Variants in SRL observed in about 807,000 individuals in gnomAD.
SRL encodes the protein sarcalumenin.
Under a neutral mutation model 39.5 loss-of-function variants are expected in SRL, and 23 were observed. The ratio of observed to expected loss-of-function variants is 0.58; its 90% CI spans 0.42 to 0.82. The LOEUF is 0.82. Among genes scored for constraint, SRL ranks in the 40% least tolerant of loss-of-function variants. The pLI, the probability that SRL is intolerant of heterozygous loss-of-function variation, is 0.00. For synonymous variants in SRL, 272 were observed against 237.4 expected (o/e 1.15, Z -1.34); for missense variants, 592 against 607.8 (o/e 0.97, Z 0.27).
At position 4,190,968 on chromosome 16, in the gene SRL, G is replaced by T. The variant is rs13329806; in HGVS notation, c.*1185C>A. 0.02 allele frequency: 3,054 copies of T among 153,500 alleles called. 102 individuals carry two copies. The highest frequency in any genetic ancestry group is 0.067 in the African/African-American group (2,796 of 41,590). The allele number at this position is 153,500 out of a possible 1,614,324, so 9.5% of individuals were successfully genotyped here. On this transcript the variant is annotated 3_prime_UTR_variant, in exon 6 of 6. Transcript: ENST00000399609. ...GAGACTGGCGGCCTAAGGAAAAGGAGCAAGGTCTCCACTGTCCTCTCTGAA... is the reference window on the plus strand; with the variant it reads ...GAGACTGGCGGCCTAAGGAAAAGGATCAAGGTCTCCACTGTCCTCTCTGAA...
chr16:4,191,614 A>G lies in SRL; in HGVS notation c.*539T>C, dbSNP rs1293153043. 1 of 153,024 alleles carries G rather than the reference A, an allele frequency of 6.5e-6. No homozygotes were observed. The highest frequency in any genetic ancestry group is 1.9e-4 in the East Asian group (1 of 5,200). 9.5% of individuals were successfully genotyped at this position (153,024 alleles called of 1,614,324 possible). ...CGACAGAGCGAGACTCCGTCTCAAA[A>G]ACACAAAAACAAACCCAGGTATATT... On this transcript the variant is annotated 3_prime_UTR_variant, in exon 6 of 6. Coordinates refer to ENST00000399609, the MANE Select transcript of SRL (RefSeq NM_001098814.2).
Position 4,204,543 on chromosome 16 carries a change from A to G in SRL, c.153T>C (p.Asp51=), listed in dbSNP as rs2052291166. 1.3e-6 allele frequency: 2 copies of G among 1,574,630 alleles called. No homozygotes were observed. Among genetic ancestry groups the G allele is most frequent in the Non-Finnish European group, 1.7e-6 (2 of 1,158,654 alleles). Residue 51 remains aspartate (D), a synonymous_variant, in exon 2 of 6, where the codon GAT becomes GAC. Coordinates refer to ENST00000399609, the MANE Select transcript of SRL (RefSeq NM_001098814.2). ...CCCTCCCCTGGTTACCAGAGTAGTC[A>G]TCGGATGGCTTGTCCTCATTCAGCA... The part of the protein sequence containing the change: ...TLMLNEDKPS[D]DYSAVLQRLR...
intron 1 of SRL, among the ~76,000 whole-genome samples, chr16:4,206,455 C>T (rs1321681701): frequency 1.3e-5 from 2 of 152,146 alleles, no homozygotes; most frequent in African/African-American, 2.4e-5. Context: ...GAGGCACTGG[C>T]ATGGGCTACG....
Position 4,242,046 on chromosome 16 carries a change from C to A in SRL, c.22G>T (p.Gly8Cys). 1 of 1,612,896 alleles carries A rather than the reference C, an allele frequency of 6.2e-7. No individual in the cohort carries two copies. The highest frequency in any genetic ancestry group is 8.5e-7 in the Non-Finnish European group (1 of 1,179,790). ...AACAGGAGCGAGGCCAGGAGGCAGC[C>A]GAGCAGGACCAGCGCCCTCATGGTG... MRALVLL[G>C]CLLASLLFSG... Residue 8 changes from glycine to cysteine, a missense_variant, in exon 1 of 6, where the codon GGC becomes TGC. Physicochemically the swap from Gly to Cys is radical, Grantham distance 159. Coordinates refer to ENST00000399609, the MANE Select transcript of SRL (RefSeq NM_001098814.2).
At chr16:4,210,576 C>T (rs1195868439) in intron 1 of SRL, among the ~76,000 whole-genome samples, 3 of 145,186 alleles carry the variant, frequency 2.1e-5, no homozygotes, top group Admixed American at 7.1e-5. Flanking sequence ...CTGTAATCTC[C>T]ACCTCCCGGG....
chr16:4,201,978 A>T (rs767182729), intron 3 of SRL, among the ~76,000 whole-genome samples: 3 of 151,650 alleles, frequency 2.0e-5, no homozygotes, highest in Non-Finnish European at 4.4e-5. Flanking sequence ...TTTTGTAGAG[A>T]TGGGGTCTGA....
At position 4,194,747 on chromosome 16, in the gene SRL, G is replaced by A. The variant is rs528372842; in HGVS notation, c.610+806C>T. 3.9e-5 allele frequency among the ~76,000 whole-genome samples: 6 copies of A among 152,206 alleles called. No homozygotes were observed. The East Asian group carries it at 1.2e-3, about 29-fold the overall frequency. ...ACCAAATCAGTCCTTGGGGAGGTAG[G>A]AGCACCAGGCACTCCAAAACCCAGA... On this transcript the variant is annotated intron_variant, in intron 5 of 5. Transcript: ENST00000399609.
intron 1 of SRL, among the ~76,000 whole-genome samples, chr16:4,234,276 G>C (rs959333851): frequency 8.5e-5 from 13 of 152,330 alleles, no homozygotes; most frequent in East Asian, 1.9e-4. Flanking sequence ...TTACAGGTGT[G>C]AGCCACTGTG....
intron 1 of SRL, among the ~76,000 whole-genome samples, chr16:4,221,355 T>C (rs1206415023): frequency 6.6e-6 from 1 of 152,190 alleles, no homozygotes; most frequent in Admixed American, 6.5e-5. Context: ...CCTATTCCGT[T>C]CTTTTCTTTT....
chr16:4,199,693 C>CTTTTTTTTTTTTTTTTT (rs35631556), intron 3 of SRL, among the ~76,000 whole-genome samples: 1 of 96,424 alleles, frequency 1.0e-5, no homozygotes, highest in African/African-American at 4.0e-5. Flanking sequence ...TTTTCTTTTC[C>CTTTTTTTTTTTTTTTTT]TTTTTTTTTT....
chr16:4,230,846 G>A (rs1330113497), intron 1 of SRL, among the ~76,000 whole-genome samples: 1 of 152,182 alleles, frequency 6.6e-6, no homozygotes, highest in Non-Finnish European at 1.5e-5. Flanking sequence ...GCCACATGAT[G>A]ACAGAGGCAG....
At chr16:4,208,979 G>T (rs1453121420) in intron 1 of SRL, among the ~76,000 whole-genome samples, 1 of 152,232 alleles carries the variant, frequency 6.6e-6, no homozygotes, top group East Asian at 1.9e-4. Flanking sequence ...TTTGGAAAAT[G>T]GGGTCAGAAA....
At chr16:4,205,140 T>G (rs148830017) in intron 1 of SRL, among the ~76,000 whole-genome samples, 1 of 151,920 alleles carries the variant, frequency 6.6e-6, no homozygotes, top group African/African-American at 2.4e-5. Context: ...CTAGGCAACA[T>G]AGCAAGACCC....
At chr16:4,204,412 C>CAGCCCCGGCCTCTAAGATAT in intron 2 of SRL, 121 bp downstream of exon 2, 1 of 887,394 alleles carries the variant, frequency 1.1e-6, no homozygotes, top group Non-Finnish European at 1.8e-6. Context: ...AAGATAGATA[C>CAGCCCCGGCCTCTAAGATAT]AGCCCCGGCC....
chr16:4,220,928 G>T (rs1951095215), intron 1 of SRL, among the ~76,000 whole-genome samples: 1 of 152,128 alleles, frequency 6.6e-6, no homozygotes, highest in Non-Finnish European at 1.5e-5. Context: ...CTAGGCTGCA[G>T]TGAGCTATGA....
rs368846881 is a variant in SRL at position 4,192,252 on chromosome 16, G to T, written c.1323C>A (p.Gly441=). ...IERAITQELP[G]LLGSLGLGKN... ...TCCCGAGCCCGAGGCTACCCAGGAG[G>T]CCCGGAAGCTCCTGAGTGATGGCCC... The change falls in exon 6 of 6, where the codon GGC becomes GGA. Residue 441 remains glycine, a synonymous_variant. Transcript: ENST00000399609. This position sits in a 1 kb window ranked among gnomAD's most constrained non-coding sequence, Gnocchi z 4.0. 1.9e-6 allele frequency: 3 copies of T among 1,613,750 alleles called. No individual in the cohort carries two copies. The highest frequency in any genetic ancestry group is 1.7e-6 in the Non-Finnish European group (2 of 1,179,892).
rs571810142 is a variant in SRL at position 4,208,675 on chromosome 16, T to C, written c.62-4041A>G. 6.5e-4 allele frequency among the ~76,000 whole-genome samples: 99 copies of C among 152,296 alleles called. 1 individual carries two copies. The Middle Eastern group carries it at 0.02, about 31-fold the overall frequency. ...GATAATCTTAGGTTACACAGCACGG[T>C]GCTTAAGGGATTACTTGTGGCTCTC... On this transcript the variant is annotated intron_variant, in intron 1 of 5. Transcript: ENST00000399609.
At chr16:4,222,660 T>G (rs1026043200) in intron 1 of SRL, among the ~76,000 whole-genome samples, 6 of 131,322 alleles carry the variant, frequency 4.6e-5, no homozygotes, top group Non-Finnish European at 7.9e-5. Flanking sequence ...CACTGGAGGC[T>G]GCAGATATCC....
In SRL at chr16:4,236,805, G is replaced by A. The variant is rs571451658; in HGVS notation, c.61+5202C>T. On this transcript the variant is annotated intron_variant, in intron 1 of 5. Transcript: ENST00000399609. ...ATTACAGGCGCATGCCACTACGCCC[G>A]GCTAATTTTTTGTATTTTTAGTAGA... Among the ~76,000 whole-genome samples the A allele has an allele frequency of 4.6e-5, 7 of 151,450 alleles. No individual in the cohort carries two copies. In the East Asian group the frequency reaches 9.8e-4, roughly 21 times the overall value.
Sources: allele counts gnomAD v4.1 joint callset (sites outside exome capture counted in the v4.1 genomes callset), GRCh38; gene constraint gnomAD v4.1.1; non-coding constraint Gnocchi (gnomAD v3.1); transcripts MANE v1.5; gene names NCBI Gene and HGNC (gene_info 2026-07-23, HGNC 2026-07-21).